RSPO2: variants seen among roughly 807,000 people sequenced by gnomAD.
The protein encoded by RSPO2 is R-spondin-2.
In RSPO2, 14 loss-of-function variants were observed where a neutral mutation model predicts 30.9. The ratio of observed to expected loss-of-function variants is 0.45; its 90% CI spans 0.30 to 0.71. The LOEUF is 0.71. Ranked by LOEUF, RSPO2 falls within the 30% of genes least tolerant of loss-of-function variation. The pLI is 0.08. For missense variants in RSPO2, 264 were observed against 301.9 expected (o/e 0.87, Z 0.93); for synonymous variants, 107 against 96.4 (o/e 1.11, Z -0.64).
intron 3 of RSPO2, among the ~76,000 whole-genome samples, chr8:107,971,729 C>T (rs1814006447): frequency 6.6e-6 from 1 of 152,192 alleles, no homozygotes; most frequent in African/African-American, 2.4e-5. Context: ...CAAAAACACA[C>T]ATTTTTCACG....
intron 3 of RSPO2, among the ~76,000 whole-genome samples, chr8:107,974,389 G>A (rs566126572): frequency 6.6e-6 from 1 of 152,224 alleles, no homozygotes; most frequent in East Asian, 1.9e-4. Context: ...GCACGCACCT[G>A]TAGTGCCAGT....
At chr8:108,054,492 C>A (rs886471144) in intron 2 of RSPO2, among the ~76,000 whole-genome samples, 5 of 152,106 alleles carry the variant, frequency 3.3e-5, no homozygotes, top group Non-Finnish European at 5.9e-5. Context: ...CACCCACATT[C>A]CATGAGTCAA....
At chr8:108,016,235 A>G (rs938955274) in intron 2 of RSPO2, among the ~76,000 whole-genome samples, 2 of 152,232 alleles carry the variant, frequency 1.3e-5, no homozygotes, top group Non-Finnish European at 2.9e-5. Context: ...TTGGTAAGCT[A>G]TTAAAGGATA....
At chr8:107,925,037 T>G (rs1812314394) in intron 5 of RSPO2, among the ~76,000 whole-genome samples, 1 of 152,118 alleles carries the variant, frequency 6.6e-6, no homozygotes, top group South Asian at 2.1e-4. Context: ...ATCTCCCATT[T>G]ATAAGTGATA....
At chr8:107,951,154 C>G (rs1293995544) in intron 5 of RSPO2, among the ~76,000 whole-genome samples, 1 of 151,706 alleles carries the variant, frequency 6.6e-6, no homozygotes, top group Non-Finnish European at 1.5e-5. Context: ...CTCCTGGGTT[C>G]AAGAGATTCT....
intron 2 of RSPO2, among the ~76,000 whole-genome samples, chr8:108,056,623 C>CAAAAAAAAAAAAAAAAAAAAGAA (rs1812254708): frequency 4.2e-5 from 3 of 71,838 alleles, no homozygotes; most frequent in Admixed American, 1.8e-4. Flanking sequence ...AGACCCGTCT[C>CAAAAAAAAAAAAAAAAAAAAGAA]AAAAAAAAAA....
chr8:107,941,406 C>CA (rs1279536905), intron 5 of RSPO2, among the ~76,000 whole-genome samples: 1 of 151,932 alleles, frequency 6.6e-6, no homozygotes, highest in Non-Finnish European at 1.5e-5. Context: ...AAATGGGTGC[C>CA]AAAAAATAGA....
intron 2 of RSPO2, among the ~76,000 whole-genome samples, chr8:108,080,227 A>C (rs546313072): frequency 5.9e-5 from 9 of 152,308 alleles, no homozygotes; most frequent in Non-Finnish European, 7.4e-5. Flanking sequence ...TTCCACTTTT[A>C]ATTAAAAACA....
intron 2 of RSPO2, among the ~76,000 whole-genome samples, chr8:108,039,201 TACC>T (rs1374968786): frequency 6.6e-6 from 1 of 152,188 alleles, no homozygotes; most frequent in Non-Finnish European, 1.5e-5. Flanking sequence ...CTTCATATAT[TACC>T]ACAACACTTT....
chr8:108,069,200 AAC>A (rs56977468), intron 2 of RSPO2, among the ~76,000 whole-genome samples: 24,694 of 147,704 alleles, frequency 0.17, 2,132 homozygotes, highest in East Asian at 0.41. Context: ...TGTATGTGTG[AAC>A]ACACACACAC....
intron 3 of RSPO2, among the ~76,000 whole-genome samples, chr8:107,973,785 C>T (rs1814104420): frequency 6.6e-6 from 1 of 151,936 alleles, no homozygotes; most frequent in African/African-American, 2.4e-5. Context: ...TCCTTTTTTC[C>T]CCCCATCTTC....
At chr8:108,011,513 T>C (rs1321000362) in intron 2 of RSPO2, among the ~76,000 whole-genome samples, 1 of 152,224 alleles carries the variant, frequency 6.6e-6, no homozygotes, top group African/African-American at 2.4e-5. Flanking sequence ...TAAATGACTA[T>C]TATTCTCTCT....
chr8:108,011,480 C>A (rs1212716143), intron 2 of RSPO2, among the ~76,000 whole-genome samples: 2 of 152,140 alleles, frequency 1.3e-5, no homozygotes, highest in East Asian at 3.8e-4. Flanking sequence ...TAATAGAGAA[C>A]AGAGTGATTT....
At chr8:108,068,878 C>G (rs1397383562) in intron 2 of RSPO2, among the ~76,000 whole-genome samples, 6 of 152,164 alleles carry the variant, frequency 3.9e-5, no homozygotes, top group Non-Finnish European at 8.8e-5. Flanking sequence ...GGACTTTTAG[C>G]CTCCAGATGG....
intron 2 of RSPO2, among the ~76,000 whole-genome samples, chr8:108,036,863 T>A (rs1030094778): frequency 6.6e-6 from 1 of 152,188 alleles, no homozygotes; most frequent in Non-Finnish European, 1.5e-5. Context: ...CTGTGTTCAG[T>A]GATCTTTGAT....
chr8:107,944,492 T>C (rs1812993987), intron 5 of RSPO2, among the ~76,000 whole-genome samples: 1 of 152,154 alleles, frequency 6.6e-6, no homozygotes, highest in Admixed American at 6.5e-5. Flanking sequence ...CATGCCAAGT[T>C]TCATACTGGT....
intron 2 of RSPO2, among the ~76,000 whole-genome samples, chr8:108,024,995 G>T (rs1450514588): frequency 6.6e-6 from 1 of 152,030 alleles, no homozygotes; most frequent in Admixed American, 6.6e-5. Flanking sequence ...CTCCAGTCTG[G>T]GTGACAAGAA....
chr8:107,921,291 C>T (rs906679991), intron 5 of RSPO2, among the ~76,000 whole-genome samples: 2 of 151,494 alleles, frequency 1.3e-5, no homozygotes, highest in Non-Finnish European at 2.9e-5. Flanking sequence ...CACACACACA[C>T]ACACACACAC....
At chr8:108,057,654 C>A (rs1485335270) in intron 2 of RSPO2, among the ~76,000 whole-genome samples, 2 of 151,830 alleles carry the variant, frequency 1.3e-5, no homozygotes, top group Non-Finnish European at 1.5e-5. Flanking sequence ...GGATACAGAT[C>A]ATTTATTTTC....
Sources: gnomAD v4.1 joint callset for allele counts (sites outside exome capture counted in the v4.1 genomes callset) on GRCh38, gnomAD v4.1.1 for gene constraint, MANE v1.5 for transcripts, NCBI Gene and HGNC (gene_info 2026-07-23, HGNC 2026-07-21) for gene names.